The following IMPG1 variants were observed in gnomAD, a reference collection of about 807,000 sequenced individuals.
The protein encoded by IMPG1 is interphotoreceptor matrix proteoglycan of 150 kDa.
IMPG1 carries 85 observed loss-of-function variants against 92.0 expected under a neutral mutation model. The ratio of observed to expected loss-of-function variants is 0.92; its 90% CI spans 0.78 to 1.11. The LOEUF is 1.11. Among genes scored for constraint, IMPG1 ranks in the 50% least tolerant of loss-of-function variants. IMPG1 has a pLI of 0.00. For missense variants in IMPG1, 1,022 were observed against 956.0 expected (o/e 1.07, Z -0.91); for synonymous variants, 367 against 334.1 (o/e 1.10, Z -1.08).
At chr6:75,988,244 T>C (rs906492950) in intron 12 of IMPG1, among the ~76,000 whole-genome samples, 1 of 152,234 alleles carries the variant, frequency 6.6e-6, no homozygotes, top group Non-Finnish European at 1.5e-5. Context: ...ACCAACAGTG[T>C]AAAAGCATTC....
At chr6:75,988,831 CCA>C (rs1447880004) in intron 12 of IMPG1, among the ~76,000 whole-genome samples, 2 of 152,164 alleles carry the variant, frequency 1.3e-5, no homozygotes, top group African/African-American at 4.8e-5. Flanking sequence ...TTCCAGGAAG[CCA>C]CTGTGTCCCC....
At chr6:75,965,903 A>AGCC (rs1417628802) in intron 12 of IMPG1, among the ~76,000 whole-genome samples, 1 of 152,138 alleles carries the variant, frequency 6.6e-6, no homozygotes, top group East Asian at 1.9e-4. Context: ...CACCACGCCC[A>AGCC]GCCACACACT....
At position 76,058,882 on chromosome 6, in the gene IMPG1, G is replaced by A. The variant is rs535763642; in HGVS notation, c.67+13540C>T. Reference sequence around the variant, plus strand: ...AGCAAAAGCTAAGTTTTCCTAGAGTGAGATTAACAAAGCCAATGGGACAGA... The same window carrying A: ...AGCAAAAGCTAAGTTTTCCTAGAGTAAGATTAACAAAGCCAATGGGACAGA... On this transcript the variant is annotated intron_variant, in intron 1 of 16. Transcript: ENST00000369950. Among the ~76,000 whole-genome samples, 5 of 152,328 alleles carry A rather than the reference G, an allele frequency of 3.3e-5. No homozygotes were observed. In the East Asian group the frequency reaches 9.7e-4, roughly 29 times the overall value.
chr6:75,921,736 C>A lies in IMPG1; in HGVS notation c.*353G>T. The A allele has an allele frequency of 4.4e-6, 1 of 225,278 alleles. No homozygotes were observed. The highest frequency in any genetic ancestry group is 8.7e-6 in the Non-Finnish European group (1 of 114,548). 14.0% of individuals were successfully genotyped at this position (225,278 alleles called of 1,614,324 possible). A position where few individuals can be genotyped will look rare whatever the true frequency, so the allele number is the denominator to read the frequency against. On this transcript the variant is annotated 3_prime_UTR_variant, in exon 17 of 17. Coordinates refer to ENST00000369950, the MANE Select transcript of IMPG1 (RefSeq NM_001563.4). ...TTGCTTCCCAATAAATTGTTCAGTC[C>A]CTAAACAATAAGTAAGCTATGCTTG... is the stretch of plus-strand genomic sequence containing the variant.
chr6:75,951,377 T>C (rs554153096), intron 12 of IMPG1, among the ~76,000 whole-genome samples: 2 of 152,104 alleles, frequency 1.3e-5, no homozygotes, highest in Non-Finnish European at 2.9e-5. Context: ...TTAACTAGAA[T>C]TTCTGGAATT....
At chr6:76,046,926 A>T (rs566801083) in intron 1 of IMPG1, among the ~76,000 whole-genome samples, 1 of 152,334 alleles carries the variant, frequency 6.6e-6, no homozygotes, top group African/African-American at 2.4e-5. Context: ...CATTTTATAA[A>T]TCAGTGAAAA....
chr6:75,993,887 CCTAA>C (rs1189918911), intron 12 of IMPG1, among the ~76,000 whole-genome samples: 1 of 152,114 alleles, frequency 6.6e-6, no homozygotes, highest in African/African-American at 2.4e-5. Flanking sequence ...ATAGGTTTGT[CCTAA>C]CTGTTTCAGT....
At chr6:75,938,792 G>A (rs969585231) in intron 14 of IMPG1, among the ~76,000 whole-genome samples, 1 of 150,604 alleles carries the variant, frequency 6.6e-6, no homozygotes, top group East Asian at 2.0e-4. Context: ...CAGCCTGGAC[G>A]ACAAGCCAGG....
At chr6:76,041,767 T>C in intron 2 of IMPG1, 126 bp downstream of exon 2, 1 of 650,968 alleles carries the variant, frequency 1.5e-6, no homozygotes, top group South Asian at 1.9e-5. Context: ...ATCACTAGGT[T>C]GATTTTTATA....
chr6:75,957,541 T>C lies in IMPG1; in HGVS notation c.1292-6447A>G, dbSNP rs1337149859. On this transcript the variant is annotated intron_variant, in intron 12 of 16. Coordinates refer to ENST00000369950, the MANE Select transcript of IMPG1 (RefSeq NM_001563.4). The stretch of plus-strand genomic sequence containing the variant: ...CTCCCATTATTATTGTGTGGGAGTC[T>C]AAGTCTCTTTGCAGGCCCTAAGAAC... 1.4e-4 allele frequency among the ~76,000 whole-genome samples: 21 copies of C among 152,206 alleles called. 1 individual carries two copies. Among genetic ancestry groups the C allele is most frequent in the Admixed American group, 1.3e-3 (20 of 15,272 alleles).
At chr6:75,985,871 T>C (rs995223861) in intron 12 of IMPG1, among the ~76,000 whole-genome samples, 7 of 152,218 alleles carry the variant, frequency 4.6e-5, no homozygotes, top group Non-Finnish European at 1.0e-4. Flanking sequence ...ATAAAAGTGC[T>C]AATGCATTAA....
chr6:75,998,048 G>GAAA (rs1782929658), intron 12 of IMPG1, among the ~76,000 whole-genome samples: 1 of 152,156 alleles, frequency 6.6e-6, no homozygotes, highest in Non-Finnish European at 1.5e-5. Context: ...ACAGGCACAA[G>GAAA]AAAAAATAAC....
chr6:75,944,783 C>T (rs1781897878), intron 14 of IMPG1, among the ~76,000 whole-genome samples: 1 of 152,242 alleles, frequency 6.6e-6, no homozygotes, highest in African/African-American at 2.4e-5. Flanking sequence ...CATTCAGATT[C>T]ACTGCTTCTC....
chr6:76,002,003 G>C (rs1782998169), intron 12 of IMPG1, among the ~76,000 whole-genome samples: 1 of 152,152 alleles, frequency 6.6e-6, no homozygotes, highest in Non-Finnish European at 1.5e-5. Context: ...ATACAGTTAA[G>C]ATAGTCCACT....
chr6:76,068,268 T>C (rs1266827915), intron 1 of IMPG1, among the ~76,000 whole-genome samples: 4 of 152,172 alleles, frequency 2.6e-5, no homozygotes, highest in African/African-American at 9.6e-5. Flanking sequence ...GCTGATGATA[T>C]GATCTTATAC....
rs539953104 is a variant in IMPG1, at chr6:75,947,168, T to C, written c.2044+146A>G. 25 of 638,644 alleles carry C rather than the reference T, an allele frequency of 3.9e-5. 1 individual carries two copies. In the South Asian group the frequency reaches 4.5e-4, roughly 11 times the overall value. 39.6% of individuals were successfully genotyped at this position (638,644 alleles called of 1,614,324 possible). Reference sequence around the variant, plus strand: ...GGACTCTACCTTTCTAATGATGTGCTCCATAGCTTCCAAAAGGTTATTTCA... The same window carrying C: ...GGACTCTACCTTTCTAATGATGTGCCCCATAGCTTCCAAAAGGTTATTTCA... On this transcript the variant is annotated intron_variant, in intron 14 of 16. Transcript: ENST00000369950.
chr6:76,009,421 G>T (rs555398004), intron 8 of IMPG1, among the ~76,000 whole-genome samples: 1 of 152,284 alleles, frequency 6.6e-6, no homozygotes, highest in African/African-American at 2.4e-5. Flanking sequence ...TCAGTACCAG[G>T]AGACTCACAG....
At chr6:75,923,812 A>G (rs1421838825) in intron 15 of IMPG1, 106 bp from the exon 16 acceptor site, 2 of 638,600 alleles carry the variant, frequency 3.1e-6, no homozygotes, top group Non-Finnish European at 2.7e-6. Context: ...ACAAGTGAAA[A>G]TAGATAGCAT....
intron 14 of IMPG1, among the ~76,000 whole-genome samples, chr6:75,943,329 C>T (rs1781865131): frequency 1.3e-5 from 2 of 152,102 alleles, no homozygotes; most frequent in African/African-American, 2.4e-5. Flanking sequence ...GTCGTAGGGG[C>T]AGATCCCTCA....
Sources: allele counts gnomAD v4.1 joint callset (sites outside exome capture counted in the v4.1 genomes callset), GRCh38; gene constraint gnomAD v4.1.1; transcripts MANE v1.5; gene names NCBI Gene and HGNC (gene_info 2026-07-23, HGNC 2026-07-21).